The following CDON variants were observed in gnomAD, a reference collection of about 807,000 sequenced individuals.
The protein encoded by CDON is cell adhesion molecule-related/down-regulated by oncogenes.
CDON carries 73 observed loss-of-function variants against 120.9 expected under a neutral mutation model. That is an observed-to-expected ratio of 0.60 (90% CI 0.50 to 0.73). The LOEUF is 0.73. Among genes scored for constraint, CDON ranks in the 30% least tolerant of loss-of-function variants. The pLI, the probability that CDON is intolerant of heterozygous loss-of-function variation, is 0.00. For missense variants in CDON, 1,470 were observed against 1,587.3 expected (o/e 0.93, Z 1.26); for synonymous variants, 566 against 573.5 (o/e 0.99, Z 0.19).
chr11:125,963,286 G>A (rs1431390969), intron 18 of CDON, among the ~76,000 whole-genome samples: 1 of 152,074 alleles, frequency 6.6e-6, no homozygotes, highest in African/African-American at 2.4e-5. Flanking sequence ...ACTGGAAGTT[G>A]GAGCCTTAGT....
chr11:125,996,453 C>T (rs1278838631), intron 12 of CDON, among the ~76,000 whole-genome samples: 1 of 152,044 alleles, frequency 6.6e-6, no homozygotes, highest in Admixed American at 6.6e-5. Context: ...AATCCCAGCA[C>T]TTTGGGAGGC....
chr11:125,995,530 G>A (rs1276693619), intron 12 of CDON, among the ~76,000 whole-genome samples: 2 of 152,234 alleles, frequency 1.3e-5, no homozygotes, highest in African/African-American at 4.8e-5. Flanking sequence ...GGCCGCAGAT[G>A]TCACTCTGGT....
chr11:126,042,212 T>C (rs979166041), intron 1 of CDON, among the ~76,000 whole-genome samples: 4 of 152,134 alleles, frequency 2.6e-5, no homozygotes, highest in Admixed American at 2.6e-4. Flanking sequence ...CATAAATTCA[T>C]CTTCATACGC....
At chr11:125,987,727 T>C (rs980445104) in intron 15 of CDON, among the ~76,000 whole-genome samples, 8 of 152,222 alleles carry the variant, frequency 5.3e-5, no homozygotes, top group African/African-American at 1.2e-4. Context: ...GGGACAGAGA[T>C]GATAAATTTC....
In CDON at chr11:125,983,895, T is replaced by C. The variant is rs781552387; in HGVS notation, c.2972A>G (p.Asn991Ser). The change falls in exon 16 of 20, where the codon AAT becomes AGT. Residue 991 changes from asparagine (N) to serine (S), a missense_variant. By Grantham distance (46) the Asn-to-Ser change is conservative (BLOSUM62 1). Coordinates refer to ENST00000531738, the MANE Select transcript of CDON (RefSeq NM_001378964.1). ...ACTTTGTATGGTATTCTGCTGGCGA[T>C]TCTTCCACAGGCACATTGCAATGAA... ...MVFIAMCLWK[N>S]RQQNTIQKYD... 3 of 1,613,960 alleles carry C rather than the reference T, an allele frequency of 1.9e-6. No individual in the cohort carries two copies. Among genetic ancestry groups the C allele is most frequent in the Non-Finnish European group, 2.5e-6 (3 of 1,179,886 alleles).
At position 125,981,264 on chromosome 11, in the gene CDON, T is replaced by TC. The variant is rs755392661; in HGVS notation, c.3060_3061insG (p.Thr1021AspfsTer32). 1 of 1,613,946 alleles carries TC rather than the reference T, an allele frequency of 6.2e-7. No homozygotes were observed. The highest frequency in any genetic ancestry group is 1.1e-5 in the South Asian group (1 of 91,086). Reference sequence around the variant, plus strand: ...TTTATCTGACTTGCTCCTGAGAGAGTGGTGTAGTCCACCATCTGCCCGTTC... The same window carrying TC: ...TTTATCTGACTTGCTCCTGAGAGAGTCGGTGTAGTCCACCATCTGCCCGTTC... On this transcript the variant is annotated frameshift_variant, in exon 17 of 20. Coordinates refer to ENST00000531738, the MANE Select transcript of CDON (RefSeq NM_001378964.1). LOFTEE classifies it high-confidence loss of function.
intron 1 of CDON, among the ~76,000 whole-genome samples, chr11:126,031,050 T>G (rs1218155987): frequency 6.6e-6 from 1 of 152,158 alleles, no homozygotes; most frequent in Non-Finnish European, 1.5e-5. Context: ...CGAACATAAT[T>G]ATCTCCAGAA....
At chr11:125,986,327 T>C (rs1461982858) in intron 15 of CDON, among the ~76,000 whole-genome samples, 3 of 151,906 alleles carry the variant, frequency 2.0e-5, no homozygotes, top group Non-Finnish European at 2.9e-5. Context: ...GGGGTAGCAT[T>C]AGGAATGATG....
intron 15 of CDON, among the ~76,000 whole-genome samples, chr11:125,988,718 C>G (rs1946539606): frequency 6.6e-6 from 1 of 152,202 alleles, no homozygotes; most frequent in Admixed American, 6.5e-5. Context: ...GTGGTGTCTT[C>G]TCTTCTTAAA....
rs1317899525 is a variant in CDON at position 126,018,320 on chromosome 11, A to G, written c.640+10T>C. 3.1e-6 allele frequency: 5 copies of G among 1,612,906 alleles called. No homozygotes were observed. Among genetic ancestry groups the G allele is most frequent in the Non-Finnish European group, 4.2e-6 (5 of 1,179,572 alleles). On this transcript the variant is annotated intron_variant, in intron 5 of 19. Transcript: ENST00000531738. ...CTCTTCCAGTTACCATTATTCTCCC[A>G]AATACTTACGACTCACAAGGAGCTT...
At chr11:125,984,165 G>A in intron 15 of CDON, 72 bp from the exon 16 acceptor site, 1 of 1,115,830 alleles carries the variant, frequency 9.0e-7, no homozygotes, top group Non-Finnish European at 1.3e-6. Context: ...ACTCTCTGAA[G>A]GAGGTCTGGT....
At position 126,015,251 on chromosome 11, in the gene CDON, T is replaced by G. The variant is rs145407952; in HGVS notation, c.1188A>C (p.Glu396Asp). 6.2e-7 allele frequency: 1 copy of G among 1,613,936 alleles called. No homozygotes were observed. Among genetic ancestry groups the G allele is most frequent in the African/African-American group, 1.3e-5 (1 of 75,060 alleles). ...GACCTAAAAGCCTACCATTTTCAAT[T>G]TCAAGTCTTCCAGTAGAGTGCATAA... ...IGFMHSTGRL[E>D]IENDGGFKPV... The change falls in exon 7 of 20, where the codon GAA becomes GAC. Residue 396 changes from glutamate (E) to aspartate (D), a missense_variant. Coordinates refer to ENST00000531738, the MANE Select transcript of CDON (RefSeq NM_001378964.1).
chr11:126,023,554 A>T lies in CDON; in HGVS notation c.-61-17T>A. On this transcript the variant is annotated splice_polypyrimidine_tract_variant and intron_variant, in intron 1 of 19. Coordinates refer to ENST00000531738, the MANE Select transcript of CDON (RefSeq NM_001378964.1). ...CTTGGTTCACTAAAAAAGAAAAAGGAAAGAAAATCTAAACCATTGAAATCT... is the reference window on the plus strand; with the variant it reads ...CTTGGTTCACTAAAAAAGAAAAAGGTAAGAAAATCTAAACCATTGAAATCT... 2 of 1,044,452 alleles carry T rather than the reference A, an allele frequency of 1.9e-6. No individual in the cohort carries two copies. The highest frequency in any genetic ancestry group is 3.0e-6 in the Non-Finnish European group (2 of 662,958). 64.7% of individuals were successfully genotyped at this position (1,044,452 alleles called of 1,614,324 possible). A position where few individuals can be genotyped will look rare whatever the true frequency, so the allele number is the denominator to read the frequency against.
At position 126,013,803 on chromosome 11, in the gene CDON, T is replaced by G. The variant is rs368290729; in HGVS notation, c.1198+1438A>C. ...TCTATTTAATTGATTTCTGCCCTTATTTTTATGATCTTTTTTTCTTTCTTT... is the reference window on the plus strand; with the variant it reads ...TCTATTTAATTGATTTCTGCCCTTAGTTTTATGATCTTTTTTTCTTTCTTT... On this transcript the variant is annotated intron_variant, in intron 7 of 19. Transcript: ENST00000531738. Among the ~76,000 whole-genome samples the G allele has an allele frequency of 5.3e-5, 8 of 151,474 alleles. 1 individual carries two copies. Among genetic ancestry groups the G allele is most frequent in the African/African-American group, 1.9e-4 (8 of 41,132 alleles).
At chr11:125,993,980 T>G (rs1052246235) in intron 14 of CDON, among the ~76,000 whole-genome samples, 2 of 152,226 alleles carry the variant, frequency 1.3e-5, no homozygotes, top group Non-Finnish European at 2.9e-5. Context: ...GACATTATAA[T>G]GGATTTTTAT....
chr11:125,998,944 A>T (rs373792515), intron 11 of CDON, among the ~76,000 whole-genome samples: 1 of 152,170 alleles, frequency 6.6e-6, no homozygotes, highest in South Asian at 2.1e-4. Flanking sequence ...ATGCTCCTCA[A>T]TTGAGCAACA....
rs10643446 is a variant in CDON, at chr11:126,050,495, AACACAC to A, written c.-62+12078_-62+12083del. ...TCTCATACATTTCCTGTAAGTAGCA[AACACAC>A]ACACACACACACACACACACACACA... On this transcript the variant is annotated intron_variant, in intron 1 of 19. Coordinates refer to ENST00000531738, the MANE Select transcript of CDON (RefSeq NM_001378964.1). Among the ~76,000 whole-genome samples, 498 of 143,072 alleles carry A rather than the reference AACACAC, an allele frequency of 3.5e-3. 1 individual carries two copies. The highest frequency in any genetic ancestry group is 0.03 in the South Asian group (131 of 4,428). The allele number at this position is 143,072 out of a possible 152,430, so 93.9% of individuals were successfully genotyped here.
At chr11:126,029,581 T>G (rs1947893649) in intron 1 of CDON, among the ~76,000 whole-genome samples, 1 of 152,176 alleles carries the variant, frequency 6.6e-6, no homozygotes, top group African/African-American at 2.4e-5. Flanking sequence ...TGTATCTCTA[T>G]TTCCCTAATC....
chr11:125,983,450 A>G (rs1234465284), intron 16 of CDON, among the ~76,000 whole-genome samples: 1 of 152,154 alleles, frequency 6.6e-6, no homozygotes, highest in Non-Finnish European at 1.5e-5. Context: ...ATTCAGTGAC[A>G]GTGACTTAGA....
Sources: allele counts gnomAD v4.1 joint callset (sites outside exome capture counted in the v4.1 genomes callset), GRCh38; gene constraint gnomAD v4.1.1; transcripts MANE v1.5; gene names NCBI Gene and HGNC (gene_info 2026-07-23, HGNC 2026-07-21).